BPTF: variants seen among roughly 807,000 people sequenced by gnomAD.
BPTF encodes nucleosome-remodeling factor subunit BPTF.
Under a neutral mutation model 292.5 loss-of-function variants are expected in BPTF, and 18 were observed. The observed-to-expected ratio is 0.06, with a 90% CI of 0.04 to 0.09. BPTF has a LOEUF of 0.09. BPTF is among the 10% of genes least tolerant of loss of function. The pLI, the probability that BPTF is intolerant of heterozygous loss-of-function variation, is 1.00. For missense variants in BPTF, 2,726 were observed against 3,498.7 expected (o/e 0.78, Z 5.57); for synonymous variants, 1,225 against 1,251.9 (o/e 0.98, Z 0.45).
At chr17:67,942,571 G>A (rs577851483) in intron 19 of BPTF, among the ~76,000 whole-genome samples, 2 of 152,254 alleles carry the variant, frequency 1.3e-5, no homozygotes, top group South Asian at 4.1e-4. Flanking sequence ...CCTGGACATG[G>A]TCTGGTAAAG....
intron 17 of BPTF, 91 bp downstream of exon 17, chr17:67,929,578 T>C: frequency 7.0e-7 from 1 of 1,431,886 alleles, no homozygotes; most frequent in Non-Finnish European, 9.4e-7. Flanking sequence ...TCCAACTCAG[T>C]TTCCTTTGCC....
At chr17:67,946,957 C>T (rs950826613) in intron 21 of BPTF, among the ~76,000 whole-genome samples, 1 of 152,214 alleles carries the variant, frequency 6.6e-6, no homozygotes, top group East Asian at 1.9e-4. Context: ...TAGCTTGCTT[C>T]GCTCAGCACT....
intron 22 of BPTF, 25 bp downstream of exon 22, chr17:67,947,833 G>T (rs375997569): frequency 3.2e-6 from 5 of 1,541,708 alleles, no homozygotes; most frequent in Non-Finnish European, 4.4e-6. Context: ...GGGTCTTGTT[G>T]TCTGTCCGTC....
chr17:67,891,676 TA>T (rs1422602927), intron 4 of BPTF, 167 bp from the exon 5 acceptor site: 2 of 428,636 alleles, frequency 4.7e-6, no homozygotes, highest in Non-Finnish European at 8.1e-6. Context: ...TTCTTTTAAG[TA>T]AAAAACTTAA....
In BPTF at chr17:67,941,651, C is replaced by T. The variant is rs562424935; in HGVS notation, c.6477+995C>T. ...GACTTTTCAGTAAATGGTGCCAGGA[C>T]AATTGAATATACATGGGAAACTGTG... On this transcript the variant is annotated intron_variant, in intron 19 of 27. Coordinates refer to ENST00000306378, the MANE Select transcript of BPTF (RefSeq NM_182641.4). Among the ~76,000 whole-genome samples the T allele has an allele frequency of 3.3e-5, 5 of 152,164 alleles. No individual in the cohort carries two copies. In the East Asian group the frequency reaches 9.7e-4, roughly 29 times the overall value.
At chr17:67,959,004 G>A (rs574519609) in intron 23 of BPTF, among the ~76,000 whole-genome samples, 3 of 152,200 alleles carry the variant, frequency 2.0e-5, no homozygotes, top group South Asian at 2.1e-4. Context: ...AAAATAGTGC[G>A]TTATGTTGCA....
intron 3 of BPTF, among the ~76,000 whole-genome samples, chr17:67,871,623 T>C (rs2059744471): frequency 6.6e-6 from 1 of 152,164 alleles, no homozygotes; most frequent in African/African-American, 2.4e-5. Flanking sequence ...AAGAATTTTT[T>C]CTGAGTAGAG....
chr17:67,946,408 G>A, intron 21 of BPTF, 83 bp downstream of exon 21: 3 of 1,525,200 alleles, frequency 2.0e-6, no homozygotes, highest in South Asian at 2.6e-5. Flanking sequence ...GTTGTGTTAG[G>A]TTTCCTAAAT....
chr17:67,850,558 G>A lies in BPTF; in HGVS notation c.614-3382G>A, dbSNP rs555884336. On this transcript the variant is annotated intron_variant, in intron 1 of 27. Coordinates refer to ENST00000306378, the MANE Select transcript of BPTF (RefSeq NM_182641.4). The stretch of plus-strand genomic sequence containing the variant: ...TAATTTTTGTATTTTTCTTAGAGAC[G>A]GGGTTTCACCATATTGGCCAGGCTA... Among the ~76,000 whole-genome samples the A allele has an allele frequency of 5.4e-4, 82 of 152,164 alleles. No homozygotes were observed. The South Asian group carries it at 0.017, about 31-fold the overall frequency.
intron 27 of BPTF, among the ~76,000 whole-genome samples, chr17:67,978,308 A>ATTTT (rs201077943): frequency 6.9e-6 from 1 of 144,254 alleles, no homozygotes; most frequent in Admixed American, 7.0e-5. Context: ...ATATATATAT[A>ATTTT]TTTTTTTTGA....
intron 3 of BPTF, among the ~76,000 whole-genome samples, chr17:67,871,718 A>G (rs532292950): frequency 2.6e-5 from 4 of 152,308 alleles, no homozygotes; most frequent in Admixed American, 2.0e-4. Context: ...TTGATAGAAT[A>G]TGCATATTTA....
intron 18 of BPTF, among the ~76,000 whole-genome samples, chr17:67,939,057 G>A (rs942229200): frequency 3.9e-5 from 6 of 152,140 alleles, no homozygotes; most frequent in African/African-American, 1.2e-4. Flanking sequence ...GCAGTAGTGT[G>A]AATTGGAATA....
chr17:67,864,934 A>G (rs1299069063), intron 2 of BPTF, among the ~76,000 whole-genome samples: 1 of 152,062 alleles, frequency 6.6e-6, no homozygotes, highest in Non-Finnish European at 1.5e-5. Flanking sequence ...GCTCCCGGGT[A>G]GCTGAGACGA....
At position 67,875,642 on chromosome 17, in the gene BPTF, C is replaced by G; in HGVS notation, c.1864+622C>G. The G allele has an allele frequency of 6.2e-7, 1 of 1,607,728 alleles. No homozygotes were observed. The highest frequency in any genetic ancestry group is 1.1e-5 in the South Asian group (1 of 89,644). ...AAATGCAACTTCAGAAGAGACTAGT[C>G]CCTCTGAAGGGAGGAGCCCTGTGGG... On this transcript the variant is annotated intron_variant, in intron 4 of 27. Transcript: ENST00000306378.
Position 67,912,455 on chromosome 17 carries a change from A to C in BPTF, c.4571A>C (p.Glu1524Ala), listed in dbSNP as rs765991651. The C allele has an allele frequency of 6.2e-7, 1 of 1,613,860 alleles. No homozygotes were observed. Among genetic ancestry groups the C allele is most frequent in the Non-Finnish European group, 8.5e-7 (1 of 1,179,962 alleles). Reference sequence around the variant, plus strand: ...ACCACACCCTCAGCATCTTGTCCAGAAAGCAATTCAGTTAATCAGGTAGAA... The same window carrying C: ...ACCACACCCTCAGCATCTTGTCCAGCAAGCAATTCAGTTAATCAGGTAGAA... Reference protein sequence around the residue: ...QTTTPSASCPESNSVNQVEDM... With the variant: ...QTTTPSASCPASNSVNQVEDM... The change falls in exon 11 of 28, where the codon GAA (glutamate) becomes GCA (alanine). Residue 1524 changes from glutamate to alanine, a missense_variant. Coordinates refer to ENST00000306378, the MANE Select transcript of BPTF (RefSeq NM_182641.4).
chr17:67,831,230 G>A (rs757098458), intron 1 of BPTF, among the ~76,000 whole-genome samples: 1 of 152,188 alleles, frequency 6.6e-6, no homozygotes, highest in Non-Finnish European at 1.5e-5. Context: ...TTGACACATA[G>A]ATGTGTAGAG....
At chr17:67,927,222 G>A (rs139329704) in intron 15 of BPTF, among the ~76,000 whole-genome samples, 186 of 152,166 alleles carry the variant, frequency 1.2e-3, no homozygotes, top group African/African-American at 4.3e-3. Context: ...TCTAGTCTCC[G>A]TTTCCTCATC....
At chr17:67,883,001 TAAAAA>T (rs886889170) in intron 4 of BPTF, among the ~76,000 whole-genome samples, 1 of 94,672 alleles carries the variant, frequency 1.1e-5, no homozygotes, top group South Asian at 3.4e-4. Context: ...AGACGTTGTC[TAAAAA>T]AAAAAAAAAA....
intron 1 of BPTF, among the ~76,000 whole-genome samples, chr17:67,843,075 GATATATATGTAGATACATATATCT>G (rs1473449638): frequency 3.9e-4 from 58 of 150,148 alleles, no homozygotes; most frequent in African/African-American, 1.4e-3. Flanking sequence ...AATGTATGTA[GATATATATGTAGATACATATATCT>G]ATATATATGT....
Sources: allele counts gnomAD v4.1 joint callset (sites outside exome capture counted in the v4.1 genomes callset), GRCh38; gene constraint gnomAD v4.1.1; transcripts MANE v1.5; gene names NCBI Gene and HGNC (gene_info 2026-07-23, HGNC 2026-07-21).